Variants in SLC1A6 observed in about 807,000 individuals in gnomAD.
The protein encoded by SLC1A6 is excitatory amino acid transporter 4.
SLC1A6 carries 15 observed loss-of-function variants against 42.1 expected under a neutral mutation model. That is an observed-to-expected ratio of 0.36 (90% CI 0.24 to 0.55). The LOEUF (loss-of-function observed/expected upper bound fraction) is 0.55, where lower values mean the gene tolerates loss of function less well. SLC1A6 is among the 20% of genes least tolerant of loss of function. The pLI is 0.88. For synonymous variants in SLC1A6, 317 were observed against 319.7 expected (o/e 0.99, Z 0.09); for missense variants, 542 against 772.5 (o/e 0.70, Z 3.54).
At chr19:14,960,007 T>G (rs2045495019) in intron 6 of SLC1A6, among the ~76,000 whole-genome samples, 1 of 152,232 alleles carries the variant, frequency 6.6e-6, no homozygotes, top group Admixed American at 6.5e-5. Flanking sequence ...GGACAAGGTA[T>G]GAGTGCACTG....
chr19:15,005,608 T>TA (rs1302514402), intron 1 of SLC1A6, among the ~76,000 whole-genome samples: 1 of 152,172 alleles, frequency 6.6e-6, no homozygotes. Flanking sequence ...AGCCAGGAGC[T>TA]AGCAGTGAGT....
chr19:14,985,739 G>A (rs906107194), intron 1 of SLC1A6, among the ~76,000 whole-genome samples: 1 of 152,240 alleles, frequency 6.6e-6, no homozygotes, highest in Non-Finnish European at 1.5e-5. Context: ...AAGGAGGGAG[G>A]ATCGTTTGAG....
chr19:14,960,036 G>T (rs2045495237), intron 6 of SLC1A6, among the ~76,000 whole-genome samples: 1 of 152,140 alleles, frequency 6.6e-6, no homozygotes, highest in Admixed American at 6.5e-5. Context: ...TACTCCAGAG[G>T]TCAAGACAAA....
chr19:15,008,827 A>G (rs1456384661), intron 1 of SLC1A6, among the ~76,000 whole-genome samples: 1 of 137,240 alleles, frequency 7.3e-6, no homozygotes, highest in Non-Finnish European at 1.5e-5. Flanking sequence ...TCCACTAAAA[A>G]AACAAAAATA....
At chr19:14,977,822 A>T (rs1338216392) in intron 1 of SLC1A6, 1 of 152,164 alleles carries the variant, frequency 6.6e-6, no homozygotes, top group Non-Finnish European at 1.5e-5. Context: ...TGACCATAAA[A>T]TAGTTGCCAA....
At chr19:14,972,998 G>T in intron 1 of SLC1A6, 81 bp from the exon 2 acceptor site, 2 of 1,113,296 alleles carry the variant, frequency 1.8e-6, no homozygotes, top group Non-Finnish European at 2.5e-6. Context: ...GCTGCGAAGG[G>T]TAATGAGCGC....
In SLC1A6 at chr19:14,971,765, T is replaced by C; in HGVS notation, c.315A>G (p.Leu105=). The C allele has an allele frequency of 6.2e-7, 1 of 1,613,926 alleles. No homozygotes were observed. The highest frequency in any genetic ancestry group is 1.1e-5 in the South Asian group (1 of 91,072). ...LLMRMLQMLV[L]PLIVSSLVTG... is the part of the protein sequence containing the mutation. Reference sequence around the variant, plus strand: ...TGACCAGGCTGGAGACAATGAGAGGTAACACCAGCATCTGCAGCATCCTCA... The same window carrying C: ...TGACCAGGCTGGAGACAATGAGAGGCAACACCAGCATCTGCAGCATCCTCA... Residue 105 remains leucine (L), a synonymous_variant, in exon 3 of 10, where the codon TTA becomes TTG. Transcript: ENST00000594383.
chr19:14,954,444 T>C (rs1264138416), intron 7 of SLC1A6, 115 bp from the exon 8 acceptor site: 1 of 932,584 alleles, frequency 1.1e-6, no homozygotes, highest in Non-Finnish European at 1.7e-6. Flanking sequence ...GAAGAAAGGC[T>C]GGGGAACAGG....
intron 1 of SLC1A6, among the ~76,000 whole-genome samples, chr19:14,987,865 G>A (rs142332559): frequency 1.3e-5 from 2 of 152,204 alleles, no homozygotes; most frequent in African/African-American, 2.4e-5. Flanking sequence ...ATTTGTTTTG[G>A]TTTGGTTTTT....
Position 14,956,499 on chromosome 19 carries a change from G to T in SLC1A6, c.1146C>A (p.Ile382=). 6.3e-7 allele frequency: 1 copy of T among 1,595,806 alleles called. No homozygotes were observed. Among genetic ancestry groups the T allele is most frequent in the Non-Finnish European group, 8.6e-7 (1 of 1,169,358 alleles). The change falls in exon 7 of 10, where the codon ATC becomes ATA. Residue 382 remains isoleucine (I), a synonymous_variant. Transcript: ENST00000594383. Reference sequence around the variant, plus strand: ...ACCTGGAAGACGTGCCCATAGCGGTGATGAGGGCTTGTAGCATGCCCCCAA... The same window carrying T: ...ACCTGGAAGACGTGCCCATAGCGGTTATGAGGGCTTGTAGCATGCCCCCAA... ...PFIGGMLQAL[I]TAMGTSSSSA... is the part of the protein sequence containing the mutation.
At chr19:14,986,225 T>A (rs1032915724) in intron 1 of SLC1A6, among the ~76,000 whole-genome samples, 2 of 151,820 alleles carry the variant, frequency 1.3e-5, no homozygotes, top group African/African-American at 4.8e-5. Context: ...GAGTCAAGAT[T>A]TAATAAAATG....
rs575888634 is a variant in SLC1A6 at position 14,973,619 on chromosome 19, C to T, written c.-7-702G>A. 3.3e-3 allele frequency: 511 copies of T among 153,008 alleles called. 2 individuals carry two copies. Among genetic ancestry groups the T allele is most frequent in the Middle Eastern group, 0.014 (4 of 294 alleles). 9.5% of individuals were successfully genotyped at this position (153,008 alleles called of 1,614,324 possible). On this transcript the variant is annotated intron_variant, in intron 1 of 9. Coordinates refer to ENST00000594383, the MANE Select transcript of SLC1A6 (RefSeq NM_005071.3). ...CCTTTTTGACACACCCTGACTCCAG[C>T]CCACTCTTATTTCACTGAGATCATC...
chr19:15,003,071 C>T (rs748778072), intron 1 of SLC1A6, among the ~76,000 whole-genome samples: 7 of 152,054 alleles, frequency 4.6e-5, no homozygotes, highest in South Asian at 2.1e-4. Context: ...CTCCGCCCCC[C>T]GGGTTCAAGC....
intron 1 of SLC1A6, among the ~76,000 whole-genome samples, chr19:15,005,798 C>T (rs900779570): frequency 2.0e-5 from 3 of 152,182 alleles, no homozygotes; most frequent in Non-Finnish European, 2.9e-5. Flanking sequence ...CCTGCATAGC[C>T]CTAATGCATT....
intron 5 of SLC1A6, 86 bp from the exon 6 acceptor site, chr19:14,962,431 C>A (rs2045524817): frequency 3.5e-6 from 3 of 868,506 alleles, no homozygotes; most frequent in Non-Finnish European, 3.7e-6. Flanking sequence ...CACTGATTCC[C>A]AGTTCCCACA....
intron 1 of SLC1A6, among the ~76,000 whole-genome samples, chr19:14,976,213 A>G (rs549283064): frequency 1.3e-5 from 2 of 152,320 alleles, no homozygotes; most frequent in Admixed American, 1.3e-4. Context: ...TATCAAAAGG[A>G]TATCTGCACT....
At chr19:14,995,374 AGGGAAGGGAAGGGAAGG>A (rs1409906820) in intron 1 of SLC1A6, among the ~76,000 whole-genome samples, 39 of 148,036 alleles carry the variant, frequency 2.6e-4, no homozygotes, top group South Asian at 6.6e-4. Context: ...AGAAAAGGGA[AGGGAAGGGAAGGGAAGG>A]GAAGAAAAAG....
In SLC1A6 at chr19:14,956,635, C is replaced by A; in HGVS notation, c.1010G>T (p.Gly337Val). 1.2e-6 allele frequency: 2 copies of A among 1,613,574 alleles called. No individual in the cohort carries two copies. The highest frequency in any genetic ancestry group is 1.7e-6 in the Non-Finnish European group (2 of 1,179,664). Residue 337 changes from glycine to valine, a missense_variant, in exon 7 of 10, where the codon GGT becomes GTT. Coordinates refer to ENST00000594383, the MANE Select transcript of SLC1A6 (RefSeq NM_005071.3). Reference sequence around the variant, plus strand: ...GGTCAGGGTGTACATGCCCAGCTGACCCCCCAGGACGGCCATGTCTTCCAT... The same window carrying A: ...GGTCAGGGTGTACATGCCCAGCTGAACCCCCAGGACGGCCATGTCTTCCAT... ...LEMEDMAVLG[G>V]QLGMYTLTVI... is the part of the protein sequence containing the mutation.
chr19:14,982,045 G>C (rs1036650644), upstream of SLC1A6, among the ~76,000 whole-genome samples: 1 of 146,336 alleles, frequency 6.8e-6, no homozygotes, highest in African/African-American at 2.6e-5. Flanking sequence ...GCAACAGAGC[G>C]AGACCCTGTC....
Sources: allele counts gnomAD v4.1 joint callset (sites outside exome capture counted in the v4.1 genomes callset), GRCh38; gene constraint gnomAD v4.1.1; transcripts MANE v1.5; gene names NCBI Gene and HGNC (gene_info 2026-07-23, HGNC 2026-07-21).